The following PRIM2 variants were observed in gnomAD, a reference collection of about 807,000 sequenced individuals.
PRIM2 encodes the protein DNA primase subunit 2.
In PRIM2, 39 loss-of-function variants were observed where a neutral mutation model predicts 67.3. That is an observed-to-expected ratio of 0.58 (90% CI 0.45 to 0.76). The LOEUF (loss-of-function observed/expected upper bound fraction) is 0.76, where lower values mean the gene tolerates loss of function less well. PRIM2 is among the 30% of genes least tolerant of loss of function. The pLI, the probability that PRIM2 is intolerant of heterozygous loss-of-function variation, is 0.00. For synonymous variants in PRIM2, 143 were observed against 198.7 expected (o/e 0.72, Z 2.36); for missense variants, 398 against 598.7 (o/e 0.66, Z 3.50).
chr6:57,537,432 TC>T lies in PRIM2; in HGVS notation c.835-7del. 1 of 1,354,496 alleles carries T rather than the reference TC, an allele frequency of 7.4e-7. No individual in the cohort carries two copies. Among genetic ancestry groups the T allele is most frequent in the East Asian group, 2.4e-5 (1 of 42,530 alleles). The allele number at this position is 1,354,496 out of a possible 1,614,324, so 83.9% of individuals were successfully genotyped here. A position where few individuals can be genotyped will look rare whatever the true frequency, so the allele number is the denominator to read the frequency against. ...TTAACTTAAAACTCTACTATTTTTT[TC>T]TTGTAGCTTTCTACCAAATCCTTCC... On this transcript the variant is annotated splice_region_variant and splice_polypyrimidine_tract_variant and intron_variant, in intron 9 of 13. Coordinates refer to ENST00000615550, the MANE Select transcript of PRIM2 (RefSeq NM_000947.5).
In PRIM2 at chr6:57,371,733, G is replaced by A. The variant is rs568509668; in HGVS notation, c.460-8168G>A. On this transcript the variant is annotated intron_variant, in intron 5 of 13. Transcript: ENST00000615550. ...AAAAGCAATGAAAGAGCATCGTGAA[G>A]ACATGAAGATTTCTTCTCCTTTCAC... is the stretch of plus-strand genomic sequence containing the variant. Among the ~76,000 whole-genome samples the A allele has an allele frequency of 1.8e-4, 27 of 152,344 alleles. No individual in the cohort carries two copies. In the East Asian group the frequency reaches 4.8e-3, roughly 27 times the overall value.
chr6:57,298,254 G>T, the PRIM2 span, among the ~76,000 whole-genome samples: 10 of 152,180 alleles, frequency 6.6e-5, no homozygotes, highest in Middle Eastern at 3.4e-3. Flanking sequence ...CCAGCTACTC[G>T]GGAGGCTCAG....
At chr6:57,578,682 T>G (rs1198536652) in intron 10 of PRIM2, among the ~76,000 whole-genome samples, 2 of 136,456 alleles carry the variant, frequency 1.5e-5, no homozygotes, top group African/African-American at 6.4e-5. Flanking sequence ...TTTTGTTTTT[T>G]TTTTTTTTTT....
intron 13 of PRIM2, 131 bp downstream of exon 13, chr6:57,632,332 A>G (rs1777048505): frequency 2.6e-6 from 1 of 386,260 alleles, no homozygotes; most frequent in Non-Finnish European, 4.7e-6. Context: ...CATGGTATTA[A>G]GTAACTTACA....
At chr6:57,292,486 G>T in the PRIM2 span, among the ~76,000 whole-genome samples, 1 of 152,102 alleles carries the variant, frequency 6.6e-6, no homozygotes. Flanking sequence ...CACAGAATTG[G>T]AAAATATTAC....
At position 57,329,703 on chromosome 6, in the gene PRIM2, G is replaced by A. The variant is rs1204398282; in HGVS notation, c.459+3658G>A. Reference sequence around the variant, plus strand: ...CTGCCATGATTGTAAGTTTCCTGAGGCCTCCCCAGACACGCAGAGGGCTCA... The same window carrying A: ...CTGCCATGATTGTAAGTTTCCTGAGACCTCCCCAGACACGCAGAGGGCTCA... On this transcript the variant is annotated intron_variant, in intron 5 of 13. Transcript: ENST00000615550. Among the ~76,000 whole-genome samples the A allele has an allele frequency of 2.6e-5, 4 of 152,156 alleles. No individual in the cohort carries two copies. In the South Asian group the frequency reaches 8.3e-4, roughly 32 times the overall value.
At chr6:57,411,957 T>C (rs1399533563) in intron 7 of PRIM2, among the ~76,000 whole-genome samples, 2 of 151,788 alleles carry the variant, frequency 1.3e-5, no homozygotes, top group Non-Finnish European at 2.9e-5. Context: ...TAAAGTTTTG[T>C]CTAAAATAGA....
rs1774050580 is a variant in PRIM2 at position 57,498,295 on chromosome 6, G to A, written c.694-9092G>A. Among the ~76,000 whole-genome samples, 3 of 151,898 alleles carry A rather than the reference G, an allele frequency of 2.0e-5. No homozygotes were observed. In the South Asian group the frequency reaches 6.2e-4, roughly 32 times the overall value. The stretch of plus-strand genomic sequence containing the variant: ...CAAGTGTTGGCATTCTAGATTTTGA[G>A]TTGGCACTCTTGGGAGTTATAAAAT... On this transcript the variant is annotated intron_variant, in intron 7 of 13. Coordinates refer to ENST00000615550, the MANE Select transcript of PRIM2 (RefSeq NM_000947.5).
chr6:57,562,276 G>A (rs1160973510), intron 10 of PRIM2, among the ~76,000 whole-genome samples: 1,612 of 152,300 alleles, frequency 0.011, 29 homozygotes, highest in African/African-American at 0.037. Flanking sequence ...AGCATATCCT[G>A]TTGGAAAAAT....
At chr6:57,278,506 T>A in the PRIM2 span, among the ~76,000 whole-genome samples, 5 of 152,244 alleles carry the variant, frequency 3.3e-5, no homozygotes, top group African/African-American at 1.2e-4. Flanking sequence ...CACACTATTC[T>A]GTTGAAAATT....
chr6:57,557,270 G>A (rs1318688067), intron 10 of PRIM2, among the ~76,000 whole-genome samples: 3 of 146,898 alleles, frequency 2.0e-5, no homozygotes, highest in Non-Finnish European at 3.0e-5. Context: ...TGCTATTACC[G>A]AGTATAAGAG....
chr6:57,493,570 A>C (rs1554346157), intron 7 of PRIM2, among the ~76,000 whole-genome samples: 1 of 152,216 alleles, frequency 6.6e-6, no homozygotes, highest in Non-Finnish European at 1.5e-5. Flanking sequence ...CAGGAAAATC[A>C]AGCTTTACAT....
At chr6:57,253,625 A>T in the PRIM2 span, among the ~76,000 whole-genome samples, 1 of 152,294 alleles carries the variant, frequency 6.6e-6, no homozygotes, top group Non-Finnish European at 1.5e-5. Flanking sequence ...TACTAATTAT[A>T]TATATGTATA....
the PRIM2 span, among the ~76,000 whole-genome samples, chr6:57,267,205 G>A: frequency 6.6e-6 from 1 of 152,172 alleles, no homozygotes; most frequent in African/African-American, 2.4e-5. Flanking sequence ...AGCAAAGCTT[G>A]ATGCACAAAG....
At chr6:57,292,901 G>C in the PRIM2 span, among the ~76,000 whole-genome samples, 1 of 152,132 alleles carries the variant, frequency 6.6e-6, no homozygotes, top group Non-Finnish European at 1.5e-5. Context: ...AGAAAACCTA[G>C]GCAATACCAT....
In PRIM2 at chr6:57,561,938, T is replaced by C. The variant is rs1304082656; in HGVS notation, c.1020+24313T>C. Among the ~76,000 whole-genome samples the C allele has an allele frequency of 1.7e-3, 256 of 152,322 alleles. 1 individual carries two copies. Among genetic ancestry groups the C allele is most frequent in the Non-Finnish European group, 2.1e-3 (140 of 68,026 alleles). ...AAAGTGAGAGATGTGCGAGTCTTTT[T>C]TTCACTTGGTCAGAGTCCTTATTAA... is the stretch of plus-strand genomic sequence containing the variant. On this transcript the variant is annotated intron_variant, in intron 10 of 13. Transcript: ENST00000615550.
At chr6:57,310,014 A>G (rs960306190), upstream of PRIM2, among the ~76,000 whole-genome samples, 7 of 152,196 alleles carry the variant, frequency 4.6e-5, no homozygotes, top group African/African-American at 1.7e-4. Flanking sequence ...GCAACCTACA[A>G]AATGGGAGAA....
chr6:57,537,519 G>A lies in PRIM2; in HGVS notation c.914G>A (p.Gly305Asp). Residue 305 changes from glycine to aspartate, a missense_variant, in exon 10 of 14, where the codon GGC becomes GAC. Transcript: ENST00000615550. ...LRENHHLRHG[G>D]RMQYGLFLKG... ...GAAAATCACCATCTTCGTCATGGAG[G>A]CCGAATGCAGTATGGCCTATTTCTG... The A allele has an allele frequency of 1.3e-6, 2 of 1,578,908 alleles. No individual in the cohort carries two copies. The highest frequency in any genetic ancestry group is 1.7e-6 in the Non-Finnish European group (2 of 1,151,916).
the PRIM2 span, among the ~76,000 whole-genome samples, chr6:57,248,161 TTGG>T: frequency 2.0e-5 from 3 of 152,102 alleles, no homozygotes; most frequent in East Asian, 3.9e-4. Context: ...TGGCAGAGAG[TTGG>T]TCAAGGAAGA....
Sources: allele counts gnomAD v4.1 joint callset (sites outside exome capture counted in the v4.1 genomes callset), GRCh38; gene constraint gnomAD v4.1.1; transcripts MANE v1.5; gene names NCBI Gene and HGNC (gene_info 2026-07-23, HGNC 2026-07-21).